Variants in BFSP2 observed in about 807,000 individuals in gnomAD.
The protein encoded by BFSP2 is phakinin.
A neutral mutation model predicts 44.9 loss-of-function variants in BFSP2; 38 were observed. The observed-to-expected ratio is 0.85, with a 90% CI of 0.65 to 1.11. BFSP2 has a LOEUF of 1.11. Among genes scored for constraint, BFSP2 ranks in the 50% least tolerant of loss-of-function variants. The pLI is 0.00. For missense variants in BFSP2, 525 were observed against 533.0 expected, an observed-to-expected ratio of 0.99 and a Z score of 0.15; for synonymous variants, 197 against 209.9, an observed-to-expected ratio of 0.94 and a Z score of 0.53.
chr3:133,464,705 G>A (rs550285370), intron 4 of BFSP2, among the ~76,000 whole-genome samples: 1 of 152,290 alleles, frequency 6.6e-6, no homozygotes, highest in Admixed American at 6.5e-5. Context: ...GCTTCAGCAT[G>A]CTTAATCTGC....
chr3:133,402,242 C>G (rs1314782138), intron 1 of BFSP2, among the ~76,000 whole-genome samples: 1 of 152,222 alleles, frequency 6.6e-6, no homozygotes, highest in Admixed American at 6.5e-5. Context: ...GGCCACAAAA[C>G]TTAGTTTATA....
rs188733202 is a variant in BFSP2, at chr3:133,463,460, C to T, written c.892-3368C>T. Among the ~76,000 whole-genome samples the T allele has an allele frequency of 2.0e-5, 3 of 152,362 alleles. No homozygotes were observed. The South Asian group carries it at 6.2e-4, about 32-fold the overall frequency. ...TTGGCATGCTTCTGGGATCTTTCAT[C>T]CCTTCTCCCGATTCCTCCCTTGGGG... On this transcript the variant is annotated intron_variant, in intron 4 of 6. Transcript: ENST00000302334.
rs142531701 is a variant in BFSP2, at chr3:133,454,555, A to G, written c.891+4091A>G. Among the ~76,000 whole-genome samples, 26 of 152,250 alleles carry G rather than the reference A, an allele frequency of 1.7e-4. No individual in the cohort carries two copies. The East Asian group carries it at 3.5e-3, about 20-fold the overall frequency. ...CAGATGACAAGTCTGGCCCTCCCATACTTCGGATGAACTGGCTATAAATTA... is the reference window on the plus strand; with the variant it reads ...CAGATGACAAGTCTGGCCCTCCCATGCTTCGGATGAACTGGCTATAAATTA... On this transcript the variant is annotated intron_variant, in intron 4 of 6. Transcript: ENST00000302334.
At chr3:133,462,312 C>T (rs1347704245) in intron 4 of BFSP2, among the ~76,000 whole-genome samples, 2 of 152,068 alleles carry the variant, frequency 1.3e-5, no homozygotes, top group East Asian at 1.9e-4. Context: ...TGTGAAAAAC[C>T]ATGTCAGTGG....
At chr3:133,422,536 C>T (rs951693692) in intron 1 of BFSP2, among the ~76,000 whole-genome samples, 2 of 152,130 alleles carry the variant, frequency 1.3e-5, no homozygotes, top group South Asian at 2.1e-4. Context: ...CTCCCAAGCC[C>T]GCAGCCATAG....
intron 1 of BFSP2, among the ~76,000 whole-genome samples, chr3:133,403,352 GC>G (rs2073377400): frequency 1.3e-5 from 2 of 152,130 alleles, no homozygotes; most frequent in Admixed American, 1.3e-4. Flanking sequence ...ACCTGCAGCT[GC>G]CTCTTCCCCC....
chr3:133,401,865 A>G (rs1160243355), intron 1 of BFSP2, among the ~76,000 whole-genome samples: 2 of 151,820 alleles, frequency 1.3e-5, no homozygotes, highest in African/African-American at 4.8e-5. Context: ...CCTGCCTCCC[A>G]CTTCATCCCA....
intron 1 of BFSP2, chr3:133,412,233 G>A (rs377264964): frequency 5.3e-5 from 8 of 152,142 alleles, no homozygotes; most frequent in African/African-American, 1.4e-4. Flanking sequence ...ATATATGGGG[G>A]TCCACTATAA....
intron 1 of BFSP2, among the ~76,000 whole-genome samples, chr3:133,408,964 A>C (rs997102722): frequency 2.0e-5 from 3 of 152,246 alleles, no homozygotes; most frequent in African/African-American, 7.2e-5. Context: ...GAACCATGAA[A>C]ATATTTTACA....
chr3:133,438,618 T>C (rs898440151), intron 1 of BFSP2, among the ~76,000 whole-genome samples: 2 of 152,134 alleles, frequency 1.3e-5, no homozygotes, highest in Non-Finnish European at 2.9e-5. Context: ...GTCAGGGAAA[T>C]GTTGGTCTCT....
rs750506316 is a variant in BFSP2 at position 133,447,310 on chromosome 3, G to A, written c.490-7G>A. ...CTTGTCTCCTTTGGTGTGTGTGATC[G>A]CTCTAGGTGGGTGAGGCAGTCTTGG... On this transcript the variant is annotated splice_region_variant and splice_polypyrimidine_tract_variant and intron_variant, in intron 1 of 6. Transcript: ENST00000302334. 18 of 1,613,690 alleles carry A rather than the reference G, an allele frequency of 1.1e-5. No homozygotes were observed. The highest frequency in any genetic ancestry group is 9.3e-5 in the African/African-American group (7 of 74,874).
At chr3:133,403,256 G>A (rs1230889006) in intron 1 of BFSP2, among the ~76,000 whole-genome samples, 2 of 152,142 alleles carry the variant, frequency 1.3e-5, no homozygotes, top group Non-Finnish European at 2.9e-5. Flanking sequence ...AGGCCACTCT[G>A]GCTGGGGCTT....
At chr3:133,419,117 G>A (rs2073570331) in intron 1 of BFSP2, among the ~76,000 whole-genome samples, 1 of 152,030 alleles carries the variant, frequency 6.6e-6, no homozygotes, top group Admixed American at 6.5e-5. Flanking sequence ...TCCTCACACA[G>A]GCTTCCCTCT....
At chr3:133,403,691 G>T (rs193068592) in intron 1 of BFSP2, among the ~76,000 whole-genome samples, 1 of 152,278 alleles carries the variant, frequency 6.6e-6, no homozygotes, top group East Asian at 1.9e-4. Flanking sequence ...CTTTCAGAGG[G>T]GGAGAAGAGT....
chr3:133,459,978 G>A (rs1029097324), intron 4 of BFSP2, among the ~76,000 whole-genome samples: 3 of 152,168 alleles, frequency 2.0e-5, no homozygotes, highest in Non-Finnish European at 4.4e-5. Context: ...GGTGTAAAAA[G>A]CTATGTTAGG....
At position 133,475,014 on chromosome 3, in the gene BFSP2, C is replaced by T; in HGVS notation, c.*42C>T. The T allele has an allele frequency of 6.2e-7, 1 of 1,612,482 alleles. No homozygotes were observed. Among genetic ancestry groups the T allele is most frequent in the Middle Eastern group, 1.7e-4 (1 of 6,060 alleles). ...TTTTCATGAAGAAAACACCCTTCCT[C>T]AACAGCTGACCCAAGAAGTTGCTTG... is the stretch of plus-strand genomic sequence containing the variant. On this transcript the variant is annotated 3_prime_UTR_variant, in exon 7 of 7. Coordinates refer to ENST00000302334, the MANE Select transcript of BFSP2 (RefSeq NM_003571.4).
At chr3:133,425,976 AGGGG>A (rs2073649194) in intron 1 of BFSP2, among the ~76,000 whole-genome samples, 2 of 15,160 alleles carry the variant, frequency 1.3e-4, no homozygotes, top group East Asian at 2.0e-3. Context: ...GGGATGGGGG[AGGGG>A]AAGGCAGGGC....
At chr3:133,431,885 C>T (rs542435426) in intron 1 of BFSP2, among the ~76,000 whole-genome samples, 8 of 152,188 alleles carry the variant, frequency 5.3e-5, no homozygotes, top group South Asian at 4.2e-4. Flanking sequence ...CTTATTAGGC[C>T]GAGACACTTT....
chr3:133,451,214 T>C (rs1407278290), intron 4 of BFSP2, among the ~76,000 whole-genome samples: 2 of 151,814 alleles, frequency 1.3e-5, no homozygotes, highest in East Asian at 1.9e-4. Context: ...CATTTACTAG[T>C]AGAAGAAAAT....
Sources: gnomAD v4.1 joint callset for allele counts (sites outside exome capture counted in the v4.1 genomes callset) on GRCh38, gnomAD v4.1.1 for gene constraint, MANE v1.5 for transcripts, NCBI Gene and HGNC (gene_info 2026-07-23, HGNC 2026-07-21) for gene names.